PTPRM: variants seen among roughly 807,000 people sequenced by gnomAD.
PTPRM encodes receptor-type tyrosine-protein phosphatase mu.
PTPRM carries 47 observed loss-of-function variants against 186.7 expected under a neutral mutation model. That is an observed-to-expected ratio of 0.25 (90% CI 0.20 to 0.32). PTPRM has a LOEUF of 0.32. Among genes scored for constraint, PTPRM ranks in the 10% least tolerant of loss-of-function variants. The pLI is 1.00. For missense variants in PTPRM, 1,494 were observed against 1,865.0 expected, an observed-to-expected ratio of 0.80 and a Z score of 3.66; for synonymous variants, 668 against 674.9, an observed-to-expected ratio of 0.99 and a Z score of 0.16.
intron 14 of PTPRM, among the ~76,000 whole-genome samples, chr18:8,217,317 G>A (rs2094100999): frequency 6.6e-6 from 1 of 152,174 alleles, no homozygotes; most frequent in Admixed American, 6.5e-5. Flanking sequence ...GTATCAAGAA[G>A]GAAGAGCAGA....
chr18:7,985,404 C>T (rs971450623), intron 7 of PTPRM, among the ~76,000 whole-genome samples: 8 of 136,386 alleles, frequency 5.9e-5, no homozygotes, highest in African/African-American at 2.2e-4. Context: ...CTGGTATATA[C>T]GTATATAAAT....
chr18:7,629,862 G>A (rs1215119181), intron 1 of PTPRM, among the ~76,000 whole-genome samples: 1 of 152,134 alleles, frequency 6.6e-6, no homozygotes, highest in Non-Finnish European at 1.5e-5. Flanking sequence ...AAATGTTCAT[G>A]GAGGAGGTAG....
intron 10 of PTPRM, among the ~76,000 whole-genome samples, chr18:8,086,764 G>A (rs1034935066): frequency 2.0e-5 from 3 of 152,120 alleles, no homozygotes; most frequent in Non-Finnish European, 4.4e-5. Flanking sequence ...TTCACAACTA[G>A]AGTATTGTAA....
At chr18:7,991,343 A>G (rs1329440481) in intron 7 of PTPRM, among the ~76,000 whole-genome samples, 1 of 152,128 alleles carries the variant, frequency 6.6e-6, no homozygotes, top group Non-Finnish European at 1.5e-5. Context: ...TGTCAATGGA[A>G]CTATTATTAT....
intron 23 of PTPRM, among the ~76,000 whole-genome samples, chr18:8,349,598 G>A (rs1645900296): frequency 6.6e-6 from 1 of 151,530 alleles, no homozygotes; most frequent in Non-Finnish European, 1.5e-5. Flanking sequence ...TTACCCCTGG[G>A]CATTTAACTG....
rs146894038 is a variant in PTPRM at position 7,663,068 on chromosome 18, G to A, written c.73+95177G>A. Among the ~76,000 whole-genome samples the A allele has an allele frequency of 5.5e-3, 843 of 152,214 alleles. 4 individuals carry two copies. The highest frequency in any genetic ancestry group is 9.5e-3 in the Non-Finnish European group (649 of 68,014). On this transcript the variant is annotated intron_variant, in intron 1 of 32. Transcript: ENST00000580170. ...GTCTGTGTGGCAGCACATTGGTCATGGGCCAGGACGTGGACTCTGAGGGCT... is the reference window on the plus strand; with the variant it reads ...GTCTGTGTGGCAGCACATTGGTCATAGGCCAGGACGTGGACTCTGAGGGCT...
At chr18:8,040,879 AT>A (rs2086649293) in intron 7 of PTPRM, among the ~76,000 whole-genome samples, 1 of 152,226 alleles carries the variant, frequency 6.6e-6, no homozygotes. Flanking sequence ...GAATCTCTCC[AT>A]TTTTAAAAAA....
At chr18:8,182,918 T>G (rs555687358) in intron 14 of PTPRM, among the ~76,000 whole-genome samples, 6 of 152,220 alleles carry the variant, frequency 3.9e-5, no homozygotes, top group Non-Finnish European at 8.8e-5. Flanking sequence ...TCAGTCTGTC[T>G]CCCTGTTGGA....
intron 29 of PTPRM, among the ~76,000 whole-genome samples, chr18:8,384,013 A>G (rs2095755959): frequency 6.6e-6 from 1 of 152,242 alleles, no homozygotes; most frequent in South Asian, 2.1e-4. Flanking sequence ...ATGGCTTAAA[A>G]GGTGCTTTCT....
At chr18:7,985,515 A>G (rs958811588) in intron 7 of PTPRM, among the ~76,000 whole-genome samples, 1 of 148,938 alleles carries the variant, frequency 6.7e-6, no homozygotes, top group African/African-American at 2.5e-5. Context: ...ATATATACAT[A>G]TACTGGTAGA....
Position 8,339,701 on chromosome 18 carries a change from G to A in PTPRM, c.2957-3722G>A, listed in dbSNP as rs950566916. Among the ~76,000 whole-genome samples the A allele has an allele frequency of 1.3e-3, 192 of 152,202 alleles. 1 individual carries two copies. The highest frequency in any genetic ancestry group is 4.4e-3 in the African/African-American group (181 of 41,550). ...CTAAGAGGAGCCTCCCTGTGTACCA[G>A]GCTCACATCTTTGGACTTGTGATGT... On this transcript the variant is annotated intron_variant, in intron 22 of 32. Transcript: ENST00000580170.
chr18:7,746,383 C>A (rs1460930241), intron 1 of PTPRM, among the ~76,000 whole-genome samples: 3 of 152,164 alleles, frequency 2.0e-5, no homozygotes, highest in Non-Finnish European at 2.9e-5. Context: ...AATTCTATAT[C>A]TAATGACGAT....
At chr18:7,782,206 C>T (rs555008382) in intron 2 of PTPRM, among the ~76,000 whole-genome samples, 7 of 152,096 alleles carry the variant, frequency 4.6e-5, no homozygotes, top group African/African-American at 1.2e-4. Context: ...TTTCCATGTG[C>T]GTGGACACCA....
chr18:7,953,226 T>A (rs559167026), intron 6 of PTPRM, among the ~76,000 whole-genome samples: 1 of 152,340 alleles, frequency 6.6e-6, no homozygotes, highest in East Asian at 1.9e-4. Context: ...TACAATGTCT[T>A]AAATGAGTGA....
At chr18:7,688,967 A>G (rs2039672263) in intron 1 of PTPRM, among the ~76,000 whole-genome samples, 1 of 152,156 alleles carries the variant, frequency 6.6e-6, no homozygotes, top group Admixed American at 6.5e-5. Flanking sequence ...GCAAAATAGC[A>G]TACTGATCTA....
chr18:7,715,912 A>G (rs1464422678), intron 1 of PTPRM, among the ~76,000 whole-genome samples: 1 of 152,212 alleles, frequency 6.6e-6, no homozygotes, highest in African/African-American at 2.4e-5. Context: ...AGAAGAACCA[A>G]TATCATGAAA....
chr18:8,358,578 C>T (rs1002048682), intron 23 of PTPRM, among the ~76,000 whole-genome samples: 4 of 152,174 alleles, frequency 2.6e-5, no homozygotes, highest in Non-Finnish European at 2.9e-5. Flanking sequence ...CAGCTAGTGA[C>T]TGTGCAGGCA....
intron 2 of PTPRM, among the ~76,000 whole-genome samples, chr18:7,862,609 G>T (rs2146074664): frequency 6.6e-6 from 1 of 152,318 alleles, no homozygotes; most frequent in African/African-American, 2.4e-5. Flanking sequence ...TGGAGGGTAA[G>T]AAAAGTAAAA....
intron 1 of PTPRM, among the ~76,000 whole-genome samples, chr18:7,731,065 A>G (rs1406353658): frequency 3.9e-5 from 6 of 152,160 alleles, no homozygotes; most frequent in African/African-American, 1.2e-4. Flanking sequence ...CATCCATCAT[A>G]TCTATTTAAC....
Sources: allele counts gnomAD v4.1 joint callset (sites outside exome capture counted in the v4.1 genomes callset), GRCh38; gene constraint gnomAD v4.1.1; transcripts MANE v1.5; gene names NCBI Gene and HGNC (gene_info 2026-07-23, HGNC 2026-07-21).